The following VPS9D1 variants were observed in gnomAD, a reference collection of about 807,000 sequenced individuals.
The protein encoded by VPS9D1 is VPS9 domain containing 1, also known as VPS9 domain-containing protein 1.
A neutral mutation model predicts 75.8 loss-of-function variants in VPS9D1; 78 were observed. The ratio of observed to expected loss-of-function variants is 1.03; its 90% CI spans 0.86 to 1.24. The LOEUF (loss-of-function observed/expected upper bound fraction) is 1.24, where lower values mean the gene tolerates loss of function less well. Among genes scored for constraint, VPS9D1 ranks in the 50% most tolerant of loss-of-function variants. VPS9D1 has a pLI of 0.00. For missense variants in VPS9D1, 1,057 were observed against 847.7 expected (o/e 1.25, Z -3.07); for synonymous variants, 481 against 385.6 (o/e 1.25, Z -2.90).
In VPS9D1 at chr16:89,716,516, A is replaced by G; in HGVS notation, c.377T>C (p.Leu126Pro). The G allele has an allele frequency of 6.2e-7, 1 of 1,614,028 alleles. No homozygotes were observed. Among genetic ancestry groups the G allele is most frequent in the South Asian group, 1.1e-5 (1 of 91,066 alleles). The change falls in exon 4 of 15, where the codon CTG becomes CCG. Residue 126 changes from leucine (L) to proline (P), a missense_variant. Transcript: ENST00000389386. ...AAGCTTCTGGAAGATCTCGGGTGGC[A>G]GAAAAGGAGAGAGCTTTCCTCCTTC... is the stretch of plus-strand genomic sequence containing the variant. ...SDEGGKLSPF[L>P]PPEIFQKLQG...
chr16:89,711,271 C>A, intron 9 of VPS9D1, 56 bp downstream of exon 9: 1 of 1,526,992 alleles, frequency 6.5e-7, no homozygotes, highest in Non-Finnish European at 8.9e-7. Flanking sequence ...TGGCACCAGG[C>A]AGAGGTGCCC....
At chr16:89,711,040 C>T in intron 9 of VPS9D1, 30 bp from the exon 10 acceptor site, 2 of 1,432,172 alleles carry the variant, frequency 1.4e-6, no homozygotes, top group South Asian at 1.5e-5. Flanking sequence ...GAGAACGCGG[C>T]CAGCCTCGGC....
At position 89,709,844 on chromosome 16, in the gene VPS9D1, G is replaced by C; in HGVS notation, c.1321C>G (p.Arg441Gly). ...GGTTCCTCAATGCAGGCCAGGCAGC[G>C]GTCCTTGGAGGCAGCTGTGTTTAGG... Reference protein sequence around the residue: ...EGLNTAASKDRCLACIEEPFF... With the variant: ...EGLNTAASKDGCLACIEEPFF... The change falls in exon 11 of 15, where the codon CGC becomes GGC. Residue 441 changes from arginine (R) to glycine (G), a missense_variant. Coordinates refer to ENST00000389386, the MANE Select transcript of VPS9D1 (RefSeq NM_004913.3). 1 of 1,613,750 alleles carries C rather than the reference G, an allele frequency of 6.2e-7. No individual in the cohort carries two copies. The highest frequency in any genetic ancestry group is 8.5e-7 in the Non-Finnish European group (1 of 1,179,886).
At position 89,716,802 on chromosome 16, in the gene VPS9D1, G is replaced by T. The variant is rs1019518438; in HGVS notation, c.196C>A (p.Pro66Thr). The change falls in exon 3 of 15, where the codon CCC (proline) becomes ACC (threonine). Residue 66 changes from proline (P) to threonine (T), a missense_variant. Pro to Thr is a conservative substitution (Grantham distance 38, BLOSUM62 -1). Coordinates refer to ENST00000389386, the MANE Select transcript of VPS9D1 (RefSeq NM_004913.3). ...TTKEAGETVP[P>T]DTSKMLKLAQ... ...AGCTTCAGCATCTTGGAGGTGTCGG[G>T]GGGCACAGTTTCCCCAGCTTCTGGG... is the stretch of plus-strand genomic sequence containing the variant. 1.9e-6 allele frequency: 3 copies of T among 1,592,686 alleles called. No homozygotes were observed. Among genetic ancestry groups the T allele is most frequent in the South Asian group, 2.3e-5 (2 of 88,248 alleles).
Position 89,711,341 on chromosome 16 carries a change from GA to G in VPS9D1, c.818del (p.Val273AlafsTer16). 1 of 1,610,226 alleles carries G rather than the reference GA, an allele frequency of 6.2e-7. No individual in the cohort carries two copies. Among genetic ancestry groups the G allele is most frequent in the Non-Finnish European group, 8.5e-7 (1 of 1,178,416 alleles). On this transcript the variant is annotated frameshift_variant, in exon 9 of 15. Coordinates refer to ENST00000389386, the MANE Select transcript of VPS9D1 (RefSeq NM_004913.3). LOFTEE classifies it high-confidence loss of function. ...PGDLSLVTSL[V>X]SHLLSLPDHP... is the part of the protein sequence containing the mutation. Reference sequence around the variant, plus strand: ...GGCCCAGCTACCTGAGCAGGTGTGAGACCAGGCTGGTCACGAGTGACAGGTC... The same window carrying G: ...GGCCCAGCTACCTGAGCAGGTGTGAGCCAGGCTGGTCACGAGTGACAGGTC...
rs1464669332 is a variant in VPS9D1, at chr16:89,712,510, G to C, written c.556C>G (p.Gln186Glu). The stretch of plus-strand genomic sequence containing the variant: ...ACTAGGTTCTCCATCATCTGCCGCT[G>C]TAGAGAGAGGGTCTGGGGGGGGAGG... ...MQKTSLTLSL[Q>E]RQMMENLVIA... Residue 186 changes from glutamine to glutamate, a missense_variant, in exon 6 of 15, where the codon CAG (glutamine) becomes GAG (glutamate). Physicochemically the swap from Gln to Glu is conservative, Grantham distance 29 (BLOSUM62 2). Coordinates refer to ENST00000389386, the MANE Select transcript of VPS9D1 (RefSeq NM_004913.3). 1 of 1,612,878 alleles carries C rather than the reference G, an allele frequency of 6.2e-7. No homozygotes were observed. Among genetic ancestry groups the C allele is most frequent in the Non-Finnish European group, 8.5e-7 (1 of 1,179,936 alleles).
rs1352879029 is a variant in VPS9D1, at chr16:89,711,004, G to T, written c.840C>A (p.Pro280=). Residue 280 remains proline (P), a synonymous_variant, in exon 10 of 15, where the codon CCC becomes CCA. Transcript: ENST00000389386. ...TCAGGAGCTGCGCGATCGGGTGGTC[G>T]GGGAGGCTGCGGGAGAAGAGGACGT... ...TSLVSHLLSL[P]DHPIAQLLRR... 2.1e-6 allele frequency: 3 copies of T among 1,438,580 alleles called. No homozygotes were observed. The South Asian group carries it at 4.4e-5, about 21-fold the overall frequency. 89.1% of individuals were successfully genotyped at this position (1,438,580 alleles called of 1,614,324 possible).
In VPS9D1 at chr16:89,708,615, G is replaced by A. The variant is rs556708391; in HGVS notation, c.1698-84C>T. ...CAGCAGCTGTGGAGCCATCCTGGCC[G>A]TGCTGGCCGCCATCTCTGTGCCCTT... On this transcript the variant is annotated intron_variant, in intron 13 of 14. Coordinates refer to ENST00000389386, the MANE Select transcript of VPS9D1 (RefSeq NM_004913.3). 3.5e-4 allele frequency: 494 copies of A among 1,405,424 alleles called. 1 individual carries two copies. Among genetic ancestry groups the A allele is most frequent in the Middle Eastern group, 2.2e-4 (1 of 4,572 alleles). The allele number at this position is 1,405,424 out of a possible 1,614,324, so 87.1% of individuals were successfully genotyped here.
intron 14 of VPS9D1, among the ~76,000 whole-genome samples, 195 bp downstream of exon 14, chr16:89,708,232 G>C: frequency 6.6e-6 from 1 of 152,226 alleles, no homozygotes; most frequent in African/African-American, 2.4e-5. Context: ...GAGAGGCTGA[G>C]CTAAGCGAAG....
intron 10 of VPS9D1, among the ~76,000 whole-genome samples, chr16:89,710,313 C>T (rs879494298): frequency 2.6e-5 from 4 of 152,164 alleles, no homozygotes; most frequent in South Asian, 4.2e-4. Context: ...GGGCTGGGCG[C>T]GGTGGCTCAT....
At chr16:89,717,691 G>C (rs1256217598) in intron 2 of VPS9D1, 1 of 456,504 alleles carries the variant, frequency 2.2e-6, no homozygotes, top group Non-Finnish European at 4.4e-6. Context: ...TGGGCCACTG[G>C]AGTTCCTCTG....
chr16:89,718,967 G>A lies in VPS9D1; in HGVS notation c.175+60C>T. On this transcript the variant is annotated intron_variant, in intron 2 of 14. Transcript: ENST00000389386. ...TGACCTCAGGTGATAGCCCGCCTCT[G>A]CCTCCCACAGTGCTGGGATTACAGG... 2.1e-6 allele frequency: 3 copies of A among 1,448,950 alleles called. No homozygotes were observed. The South Asian group carries it at 3.5e-5, about 17-fold the overall frequency. 89.8% of individuals were successfully genotyped at this position (1,448,950 alleles called of 1,614,324 possible).
chr16:89,708,599 T>G, intron 13 of VPS9D1, 68 bp from the exon 14 acceptor site: 1 of 1,506,108 alleles, frequency 6.6e-7, no homozygotes, highest in Non-Finnish European at 9.1e-7. Context: ...CCAGCAGCTG[T>G]GGAGCCATCC....
At position 89,711,299 on chromosome 16, in the gene VPS9D1, G is replaced by T. The variant is rs748633676; in HGVS notation, c.833+28C>A. On this transcript the variant is annotated intron_variant, in intron 9 of 14. Transcript: ENST00000389386. Reference sequence around the variant, plus strand: ...AGGTGCCCAAGGCCGGTGCGCAGGGGCTCTGTGGGGCCTGAAGGCCCAGCT... The same window carrying T: ...AGGTGCCCAAGGCCGGTGCGCAGGGTCTCTGTGGGGCCTGAAGGCCCAGCT... The T allele has an allele frequency of 3.8e-6, 6 of 1,586,560 alleles. No individual in the cohort carries two copies. The South Asian group carries it at 6.9e-5, about 18-fold the overall frequency.
rs2060925606 is a variant in VPS9D1, at chr16:89,711,641, A to C, written c.748-229T>G. 4 of 529,838 alleles carry C rather than the reference A, an allele frequency of 7.5e-6. No individual in the cohort carries two copies. In the East Asian group the frequency reaches 1.6e-4, roughly 21 times the overall value. The allele number at this position is 529,838 out of a possible 1,614,324, so 32.8% of individuals were successfully genotyped here. On this transcript the variant is annotated intron_variant, in intron 8 of 14. Coordinates refer to ENST00000389386, the MANE Select transcript of VPS9D1 (RefSeq NM_004913.3). ...GCTGGGACCCTCCCTCCTCGCAGGG[A>C]CCCTCCCTCCTCGCTGGGACCCTCC...
intron 4 of VPS9D1, among the ~76,000 whole-genome samples, chr16:89,713,348 G>A (rs139269647): frequency 9.9e-5 from 15 of 151,080 alleles, no homozygotes; most frequent in East Asian, 4.0e-4. Flanking sequence ...TCCGCCTCCC[G>A]GGTTCATGCC....
At chr16:89,716,316 A>G (rs1302730296) in intron 4 of VPS9D1, 146 bp downstream of exon 4, 2 of 1,241,248 alleles carry the variant, frequency 1.6e-6, no homozygotes, top group Admixed American at 4.4e-5. Flanking sequence ...CCGTGAGCCA[A>G]GATTGAGCCG....
chr16:89,710,530 C>A, intron 10 of VPS9D1, 56 bp downstream of exon 10: 1 of 1,522,586 alleles, frequency 6.6e-7, no homozygotes. Flanking sequence ...TTGAAACGGA[C>A]CAATAAGCAG....
chr16:89,713,249 TTTTC>T (rs747706165), intron 4 of VPS9D1, among the ~76,000 whole-genome samples: 2 of 151,974 alleles, frequency 1.3e-5, no homozygotes, highest in Non-Finnish European at 2.9e-5. Flanking sequence ...GACTTTTGGT[TTTTC>T]TTTTTTTCTT....
Sources: allele counts gnomAD v4.1 joint callset (sites outside exome capture counted in the v4.1 genomes callset), GRCh38; gene constraint gnomAD v4.1.1; transcripts MANE v1.5; gene names NCBI Gene and HGNC (gene_info 2026-07-23, HGNC 2026-07-21).